Variants in MYO18A observed in about 807,000 individuals in gnomAD.
MYO18A encodes unconventional myosin-XVIIIa.
MYO18A carries 78 observed loss-of-function variants against 235.8 expected under a neutral mutation model. The ratio of observed to expected loss-of-function variants is 0.33; its 90% CI spans 0.28 to 0.40. MYO18A has a LOEUF of 0.40. MYO18A is among the 10% of genes least tolerant of loss of function. The pLI is 1.00. For synonymous variants in MYO18A, 977 were observed against 1,077.8 expected (o/e 0.91, Z 1.83); for missense variants, 2,215 against 2,699.3 (o/e 0.82, Z 3.98).
At chr17:29,134,775 A>G (rs1442705972) in intron 2 of MYO18A, among the ~76,000 whole-genome samples, 1 of 151,862 alleles carries the variant, frequency 6.6e-6, no homozygotes, top group Non-Finnish European at 1.5e-5. Flanking sequence ...CACCTGCCTC[A>G]GCTTCCCAAA....
intron 2 of MYO18A, among the ~76,000 whole-genome samples, chr17:29,149,255 C>A (rs2067919093): frequency 6.6e-6 from 1 of 152,232 alleles, no homozygotes; most frequent in Non-Finnish European, 1.5e-5. Flanking sequence ...CGCTCTATCC[C>A]CAGAACCTAA....
chr17:29,107,084 C>T lies in MYO18A; in HGVS notation c.3437G>A (p.Arg1146Lys). The T allele has an allele frequency of 6.2e-7, 1 of 1,613,958 alleles. No homozygotes were observed. Among genetic ancestry groups the T allele is most frequent in the East Asian group, 2.2e-5 (1 of 44,884 alleles). ...GGTCTGGGGACCTGGACCTACCCGC[C>T]TTTCATCCACCACGATGTAGTTACG... is the stretch of plus-strand genomic sequence containing the variant. ...HGRNYIVVDE[R>K]RAVEELLECL... Residue 1146 changes from arginine to lysine, a missense_variant, in exon 20 of 42, where the codon AGG becomes AAG. Transcript: ENST00000527372.
chr17:29,095,962 A>G (rs1044531979), intron 28 of MYO18A, among the ~76,000 whole-genome samples: 2 of 152,156 alleles, frequency 1.3e-5, no homozygotes, highest in Non-Finnish European at 2.9e-5. Context: ...GATGAGAATG[A>G]GGGAAGTGGT....
rs1263954460 is a variant in MYO18A, at chr17:29,180,245, A to C, written c.-82+68T>G. 1 of 107,854 alleles carries C rather than the reference A, an allele frequency of 9.3e-6. No homozygotes were observed. The highest frequency in any genetic ancestry group is 3.6e-5 in the African/African-American group (1 of 28,038). 6.7% of individuals were successfully genotyped at this position (107,854 alleles called of 1,614,324 possible). A position where few individuals can be genotyped will look rare whatever the true frequency, so the allele number is the denominator to read the frequency against. On this transcript the variant is annotated intron_variant, in intron 1 of 41. Transcript: ENST00000527372. This position sits in a 1 kb window ranked among gnomAD's most constrained non-coding sequence, Gnocchi z 6.1. ...CCCGCCCGCCCTCCCTCCCGGCCGGAGCCCGCCCCGCCGCCCCACCAAGCC... is the reference window on the plus strand; with the variant it reads ...CCCGCCCGCCCTCCCTCCCGGCCGGCGCCCGCCCCGCCGCCCCACCAAGCC...
rs1032248326 is a variant in MYO18A at position 29,180,383 on chromosome 17, G to A, written c.-152C>T. On this transcript the variant is annotated 5_prime_UTR_variant, in exon 1 of 42. Coordinates refer to ENST00000527372, the MANE Select transcript of MYO18A (RefSeq NM_078471.4). The surrounding 1 kb of genome is among the most constrained non-coding windows in gnomAD (Gnocchi z 6.1). ...CATCCAGCAGCCTCGGCCCGGTCAGGGATGGAGCAGAGCGCAGCGCGGCGC... is the reference window on the plus strand; with the variant it reads ...CATCCAGCAGCCTCGGCCCGGTCAGAGATGGAGCAGAGCGCAGCGCGGCGC... The A allele has an allele frequency of 1.2e-4, 18 of 152,042 alleles. No homozygotes were observed. Among genetic ancestry groups the A allele is most frequent in the African/African-American group, 4.1e-4 (17 of 41,426 alleles). The allele number at this position is 152,042 out of a possible 1,614,324, so 9.4% of individuals were successfully genotyped here.
chr17:29,160,213 A>G (rs1254584732), intron 2 of MYO18A, among the ~76,000 whole-genome samples: 1 of 152,214 alleles, frequency 6.6e-6, no homozygotes, highest in East Asian at 1.9e-4. Context: ...CACAAAATAT[A>G]CAGAATAAAA....
At chr17:29,085,039 T>C (rs2066218608) in intron 40 of MYO18A, among the ~76,000 whole-genome samples, 1 of 152,242 alleles carries the variant, frequency 6.6e-6, no homozygotes, top group South Asian at 2.1e-4. Context: ...CTGTGTTCCC[T>C]TCCCCCGCCA....
chr17:29,096,926 A>G lies in MYO18A; in HGVS notation c.4231-11T>C. 1.3e-6 allele frequency: 2 copies of G among 1,553,348 alleles called. No homozygotes were observed. The highest frequency in any genetic ancestry group is 1.7e-6 in the Non-Finnish European group (2 of 1,150,424). ...CTGCAGGTCCCCGAGCTAGGGGCCA[A>G]GATGGGGTGCATATACAGAGAGACC... is the stretch of plus-strand genomic sequence containing the variant. On this transcript the variant is annotated splice_polypyrimidine_tract_variant and intron_variant, in intron 27 of 41. Coordinates refer to ENST00000527372, the MANE Select transcript of MYO18A (RefSeq NM_078471.4).
intron 2 of MYO18A, among the ~76,000 whole-genome samples, chr17:29,133,036 G>C (rs540461069): frequency 4.6e-5 from 7 of 152,244 alleles, no homozygotes; most frequent in Admixed American, 4.6e-4. Flanking sequence ...TGTTAACTTG[G>C]GTGCCGGGGT....
chr17:29,124,957 C>T (rs956944730), intron 2 of MYO18A, among the ~76,000 whole-genome samples: 2 of 152,162 alleles, frequency 1.3e-5, no homozygotes, highest in Admixed American at 1.3e-4. Context: ...AAGTCATTCC[C>T]GGTGGCCCGG....
Position 29,109,254 on chromosome 17 carries a change from T to C in MYO18A, c.3331+604A>G, listed in dbSNP as rs574945093. 2.2e-4 allele frequency among the ~76,000 whole-genome samples: 34 copies of C among 152,202 alleles called. No homozygotes were observed. The highest frequency in any genetic ancestry group is 8.2e-4 in the African/African-American group (34 of 41,518). On this transcript the variant is annotated intron_variant, in intron 19 of 41. Coordinates refer to ENST00000527372, the MANE Select transcript of MYO18A (RefSeq NM_078471.4). The surrounding 1 kb of genome is among the most constrained non-coding windows in gnomAD (Gnocchi z 4.1). ...AAATCCCACTCTGCCACTCAGGAGC[T>C]GTGTGACCTTGGGCAAGCTACTTAA...
At chr17:29,083,350 A>G (rs902150025) in intron 40 of MYO18A, among the ~76,000 whole-genome samples, 12 of 152,270 alleles carry the variant, frequency 7.9e-5, no homozygotes, top group African/African-American at 2.9e-4. Flanking sequence ...GCTTGGAGAT[A>G]GCTTCTGAGT....
rs1405412703 is a variant in MYO18A, at chr17:29,169,438, G to T, written c.-81-2417C>A. Among the ~76,000 whole-genome samples, 2 of 152,128 alleles carry T rather than the reference G, an allele frequency of 1.3e-5. 1 individual carries two copies. The highest frequency in any genetic ancestry group is 4.1e-4 in the South Asian group (2 of 4,826). On this transcript the variant is annotated intron_variant, in intron 1 of 41. Transcript: ENST00000527372. The stretch of plus-strand genomic sequence containing the variant: ...GGGCCCAAAAGGCACACAGCCAGGG[G>T]CCTTGGCCAGGTAGGTCTGGACTGA...
chr17:29,127,159 C>G (rs959912175), intron 2 of MYO18A, among the ~76,000 whole-genome samples: 2 of 152,180 alleles, frequency 1.3e-5, no homozygotes, highest in Non-Finnish European at 2.9e-5. Context: ...TTTGCAATTC[C>G]AAAATCCCAA....
chr17:29,177,974 C>G (rs2068569851), intron 1 of MYO18A, among the ~76,000 whole-genome samples: 1 of 152,206 alleles, frequency 6.6e-6, no homozygotes, highest in African/African-American at 2.4e-5. Context: ...CAACTCCCAG[C>G]TCCACCTCAG....
rs779320325 is a variant in MYO18A at position 29,120,734 on chromosome 17, G to A, written c.1610C>T (p.Thr537Ile). The A allele has an allele frequency of 6.2e-7, 1 of 1,613,828 alleles. No homozygotes were observed. The highest frequency in any genetic ancestry group is 8.5e-7 in the Non-Finnish European group (1 of 1,179,808). ...GCTGTTCCCAAAGGCTTCCAGGAGG[G>A]TGTACAGAGCCTGCCACTTCTCCAC... is the stretch of plus-strand genomic sequence containing the variant. ...FSVEKWQALY[T>I]LLEAFGNSPT... The change falls in exon 7 of 42, where the codon ACC becomes ATC. Residue 537 changes from threonine (T) to isoleucine (I), a missense_variant. By Grantham distance (89) the Thr-to-Ile change is moderately conservative (BLOSUM62 -1). Transcript: ENST00000527372. The surrounding 1 kb of genome is among the most constrained non-coding windows in gnomAD (Gnocchi z 4.2).
chr17:29,171,712 T>C (rs1022718340), intron 1 of MYO18A, among the ~76,000 whole-genome samples: 2 of 151,794 alleles, frequency 1.3e-5, no homozygotes, highest in Non-Finnish European at 2.9e-5. Context: ...CTGGGCAACA[T>C]GGCAAAGCCC....
intron 21 of MYO18A, 110 bp downstream of exon 21, chr17:29,103,489 C>G: frequency 8.1e-6 from 9 of 1,114,004 alleles, no homozygotes; most frequent in Non-Finnish European, 8.0e-6. Flanking sequence ...TCAGAGGGCA[C>G]CAGGAGACTG....
intron 1 of MYO18A, among the ~76,000 whole-genome samples, chr17:29,174,791 C>T (rs890034689): frequency 1.3e-5 from 2 of 151,662 alleles, no homozygotes; most frequent in Non-Finnish European, 2.9e-5. Flanking sequence ...CTCCAGCCTG[C>T]GCGAAAGGGC....
Sources: allele counts gnomAD v4.1 joint callset (sites outside exome capture counted in the v4.1 genomes callset), GRCh38; gene constraint gnomAD v4.1.1; non-coding constraint Gnocchi (gnomAD v3.1); transcripts MANE v1.5; gene names NCBI Gene and HGNC (gene_info 2026-07-23, HGNC 2026-07-21).